PIAS1: variants seen among roughly 807,000 people sequenced by gnomAD.
The protein encoded by PIAS1 is protein inhibitor of activated STAT 1.
PIAS1 carries 6 observed loss-of-function variants against 71.3 expected under a neutral mutation model. The observed-to-expected ratio is 0.08, with a 90% CI of 0.05 to 0.17. The LOEUF (loss-of-function observed/expected upper bound fraction) is 0.17. Ranked by LOEUF, PIAS1 falls within the 10% of genes least tolerant of loss-of-function variation. PIAS1 has a pLI of 1.00. For synonymous variants in PIAS1, 303 were observed against 292.9 expected (o/e 1.03, Z -0.35); for missense variants, 555 against 793.6 (o/e 0.70, Z 3.61).
chr15:68,109,412 C>T (rs190007141), intron 2 of PIAS1, among the ~76,000 whole-genome samples: 1 of 152,250 alleles, frequency 6.6e-6, no homozygotes, highest in Admixed American at 6.5e-5. Flanking sequence ...GTTTGGGTCT[C>T]TTGTTTATTG....
At chr15:68,106,850 C>T (rs1188880961) in intron 2 of PIAS1, among the ~76,000 whole-genome samples, 1 of 152,182 alleles carries the variant, frequency 6.6e-6, no homozygotes, top group Non-Finnish European at 1.5e-5. Context: ...TTAAATACAG[C>T]ACAGCAAGCT....
intron 11 of PIAS1, among the ~76,000 whole-genome samples, chr15:68,180,616 A>G (rs990686682): frequency 6.6e-6 from 1 of 151,496 alleles, no homozygotes; most frequent in Admixed American, 6.6e-5. Flanking sequence ...TTGTTTCACT[A>G]CATTAGATTC....
At chr15:68,136,964 A>G (rs2092738209) in intron 2 of PIAS1, among the ~76,000 whole-genome samples, 1 of 152,214 alleles carries the variant, frequency 6.6e-6, no homozygotes, top group African/African-American at 2.4e-5. Flanking sequence ...ACATGGAAAT[A>G]TTTTAGATGT....
At chr15:68,120,998 C>G (rs2092608699) in intron 2 of PIAS1, among the ~76,000 whole-genome samples, 1 of 152,144 alleles carries the variant, frequency 6.6e-6, no homozygotes, top group South Asian at 2.1e-4. Context: ...ACAATCAGTT[C>G]TCTTTTGTGG....
chr15:68,131,836 G>C (rs2092689585), intron 2 of PIAS1, among the ~76,000 whole-genome samples: 2 of 152,054 alleles, frequency 1.3e-5, no homozygotes, highest in African/African-American at 4.8e-5. Context: ...ACATCTCTTT[G>C]ACATACTGTT....
At position 68,189,253 on chromosome 15, in the gene PIAS1, A is replaced by G. The variant is rs553024672; in HGVS notation, c.*1418A>G. Reference sequence around the variant, plus strand: ...GAAAAGTGGTTCTACTAATGTTCCAAAATCCTCATCAGAGAAGGTATGATG... The same window carrying G: ...GAAAAGTGGTTCTACTAATGTTCCAGAATCCTCATCAGAGAAGGTATGATG... On this transcript the variant is annotated 3_prime_UTR_variant, in exon 14 of 14. Coordinates refer to ENST00000249636, the MANE Select transcript of PIAS1 (RefSeq NM_016166.3). The G allele has an allele frequency of 2.6e-5, 4 of 152,222 alleles. No homozygotes were observed. Among genetic ancestry groups the G allele is most frequent in the Non-Finnish European group, 5.9e-5 (4 of 68,024 alleles). 9.4% of individuals were successfully genotyped at this position (152,222 alleles called of 1,614,324 possible).
intron 8 of PIAS1, among the ~76,000 whole-genome samples, chr15:68,168,215 G>T (rs977601676): frequency 1.3e-5 from 2 of 151,904 alleles, no homozygotes; most frequent in Non-Finnish European, 2.9e-5. Flanking sequence ...CACCATGTTG[G>T]CTAGGCTAGT....
At chr15:68,055,562 A>C (rs2091886548) in intron 1 of PIAS1, among the ~76,000 whole-genome samples, 1 of 152,020 alleles carries the variant, frequency 6.6e-6, no homozygotes. Context: ...ATTTTGGTTT[A>C]GTAGCAGGCA....
At chr15:68,108,782 TGTTCC>T (rs1291101996) in intron 2 of PIAS1, among the ~76,000 whole-genome samples, 1 of 152,222 alleles carries the variant, frequency 6.6e-6, no homozygotes, top group Non-Finnish European at 1.5e-5. Flanking sequence ...TCTTTTGTTA[TGTTCC>T]AGTTTCATTA....
At chr15:68,166,023 C>T (rs575807280) in intron 8 of PIAS1, among the ~76,000 whole-genome samples, 1 of 151,966 alleles carries the variant, frequency 6.6e-6, no homozygotes, top group South Asian at 2.1e-4. Flanking sequence ...TTTGTAATTA[C>T]AAATATTAGT....
At chr15:68,123,097 G>C (rs916997641) in intron 2 of PIAS1, among the ~76,000 whole-genome samples, 5 of 151,576 alleles carry the variant, frequency 3.3e-5, no homozygotes, top group African/African-American at 4.9e-5. Context: ...TGTCTCCCAG[G>C]CTGGAATGCA....
At position 68,134,570 on chromosome 15, in the gene PIAS1, G is replaced by C. The variant is rs2092707708; in HGVS notation, c.470-7376G>C. 4.3e-5 allele frequency among the ~76,000 whole-genome samples: 2 copies of C among 46,768 alleles called. 1 individual carries two copies. Among genetic ancestry groups the C allele is most frequent in the Non-Finnish European group, 1.8e-4 (2 of 11,094 alleles). 30.7% of individuals were successfully genotyped at this position (46,768 alleles called of 152,430 possible). On this transcript the variant is annotated intron_variant, in intron 2 of 13. Coordinates refer to ENST00000249636, the MANE Select transcript of PIAS1 (RefSeq NM_016166.3). ...CTCACTTCCCAGTAGGGGCGGCCGG[G>C]CAGAGGCGCCCCCCACCCCCCAGAC...
intron 2 of PIAS1, among the ~76,000 whole-genome samples, chr15:68,088,423 T>C (rs570155272): frequency 8.0e-4 from 121 of 152,010 alleles, no homozygotes; most frequent in African/African-American, 2.8e-3. Flanking sequence ...ATGTCACAAA[T>C]AGCAATAATT....
intron 3 of PIAS1, 26 bp from the exon 4 acceptor site, chr15:68,142,264 T>G (rs1365836712): frequency 6.3e-7 from 1 of 1,578,096 alleles, no homozygotes; most frequent in African/African-American, 1.3e-5. Context: ...TAAAAGTAAT[T>G]GTAATTCCTA....
chr15:68,158,142 T>C (rs11071983), intron 7 of PIAS1, among the ~76,000 whole-genome samples: 2,686 of 152,272 alleles, frequency 0.018, 69 homozygotes, highest in African/African-American at 0.062. Context: ...ACTCCAAGTA[T>C]GTTAGCATGA....
intron 2 of PIAS1, among the ~76,000 whole-genome samples, chr15:68,130,845 A>T (rs1489649379): frequency 6.6e-6 from 1 of 152,192 alleles, no homozygotes; most frequent in Non-Finnish European, 1.5e-5. Context: ...GAAGTCATAA[A>T]TAGTTCAGTA....
chr15:68,115,657 A>G (rs2092559519), intron 2 of PIAS1, among the ~76,000 whole-genome samples: 1 of 152,064 alleles, frequency 6.6e-6, no homozygotes, highest in South Asian at 2.1e-4. Context: ...CGTCTCAGTA[A>G]AGTGTTTCCT....
At chr15:68,078,463 CT>C (rs1186799282) in intron 1 of PIAS1, among the ~76,000 whole-genome samples, 1 of 152,194 alleles carries the variant, frequency 6.6e-6, no homozygotes, top group Non-Finnish European at 1.5e-5. Flanking sequence ...TCAATTACAT[CT>C]TTACTGCCTC....
chr15:68,110,827 G>C (rs74020032), intron 2 of PIAS1, among the ~76,000 whole-genome samples: 1 of 152,138 alleles, frequency 6.6e-6, no homozygotes, highest in African/African-American at 2.4e-5. Flanking sequence ...GACGGGAAGA[G>C]GAGAACTTAA....
Sources: gnomAD v4.1 joint callset for allele counts (sites outside exome capture counted in the v4.1 genomes callset) on GRCh38, gnomAD v4.1.1 for gene constraint, MANE v1.5 for transcripts, NCBI Gene and HGNC (gene_info 2026-07-23, HGNC 2026-07-21) for gene names.